DNAH14: variants seen among roughly 807,000 people sequenced by gnomAD.
The protein encoded by DNAH14 is axonemal beta dynein heavy chain 14.
In DNAH14, 478 loss-of-function variants were observed where a neutral mutation model predicts 520.9. The ratio of observed to expected loss-of-function variants is 0.92; its 90% CI spans 0.85 to 0.99. The LOEUF is 0.99. Ranked by LOEUF, DNAH14 falls within the 50% of genes least tolerant of loss-of-function variation. DNAH14 has a pLI of 0.00. For missense variants in DNAH14, 4,831 were observed against 5,234.5 expected, an observed-to-expected ratio of 0.92 and a Z score of 2.38; for synonymous variants, 1,581 against 1,757.2, an observed-to-expected ratio of 0.90 and a Z score of 2.51.
At chr1:225,335,226 CAT>C (rs1279861832) in intron 66 of DNAH14, among the ~76,000 whole-genome samples, 8 of 133,218 alleles carry the variant, frequency 6.0e-5, no homozygotes, top group African/African-American at 1.8e-4. Context: ...TATATATGCA[CAT>C]ATACACATGT....
intron 37 of DNAH14, among the ~76,000 whole-genome samples, chr1:225,189,106 A>T (rs2085094578): frequency 6.6e-6 from 1 of 151,722 alleles, no homozygotes; most frequent in Non-Finnish European, 1.5e-5. Flanking sequence ...TTTTGATATG[A>T]TCGTGTGGTT....
intron 74 of DNAH14, 38 bp downstream of exon 74, chr1:225,358,690 T>A: frequency 6.5e-7 from 1 of 1,531,250 alleles, no homozygotes; most frequent in East Asian, 2.5e-5. Flanking sequence ...ATCGATATGG[T>A]TTGGCTCTGT....
At chr1:224,987,726 A>C (rs934078123) in intron 8 of DNAH14, among the ~76,000 whole-genome samples, 3 of 152,122 alleles carry the variant, frequency 2.0e-5, no homozygotes, top group Non-Finnish European at 4.4e-5. Context: ...TCCCGGGTTC[A>C]AGTGATTCCC....
At chr1:224,958,615 T>C (rs917950913) in intron 3 of DNAH14, among the ~76,000 whole-genome samples, 1 of 152,036 alleles carries the variant, frequency 6.6e-6, no homozygotes, top group African/African-American at 2.4e-5. Context: ...AAAATGGTCA[T>C]GTTGGGAGAA....
intron 11 of DNAH14, among the ~76,000 whole-genome samples, chr1:225,031,194 G>T (rs1305669739): frequency 1.3e-5 from 2 of 151,966 alleles, no homozygotes; most frequent in Non-Finnish European, 2.9e-5. Context: ...AAGAAATGCG[G>T]TTGATTTTGC....
chr1:225,363,128 A>G (rs1575029541), intron 75 of DNAH14, among the ~76,000 whole-genome samples: 1 of 152,210 alleles, frequency 6.6e-6, no homozygotes, highest in East Asian at 1.9e-4. Flanking sequence ...CTTCATCTCT[A>G]TCTCCAAATT....
chr1:225,157,624 A>C (rs907485527), intron 34 of DNAH14, among the ~76,000 whole-genome samples: 1 of 152,190 alleles, frequency 6.6e-6, no homozygotes, highest in African/African-American at 2.4e-5. Context: ...CACTTGCCCT[A>C]CTACCAGACA....
chr1:224,964,492 T>C lies in DNAH14; in HGVS notation c.381T>C (p.Asp127=), dbSNP rs2061034627. Residue 127 remains aspartate (D), a synonymous_variant, in exon 5 of 86, where the codon GAT becomes GAC. Coordinates refer to ENST00000682510, the MANE Select transcript of DNAH14 (RefSeq NM_001367479.1). ...GTTCTATACCAGAACCAAAAGATGA[T>C]GATGTGATAAGAAATATTATTAGGC... ...VSYDRTEPKD[D]DVIRNIIRLR... The C allele has an allele frequency of 6.2e-7, 1 of 1,608,906 alleles. No individual in the cohort carries two copies. The highest frequency in any genetic ancestry group is 8.5e-7 in the Non-Finnish European group (1 of 1,177,036).
In DNAH14 at chr1:224,952,670, C is replaced by T. The variant is rs1183555326; in HGVS notation, c.-33C>T. ...TATAATAATGTGAATTTTGTTACAG[C>T]CAGTTCCTTTATAGTTTTGTTCAGA... On this transcript the variant is annotated splice_region_variant and 5_prime_UTR_variant, in exon 2 of 86. Coordinates refer to ENST00000682510, the MANE Select transcript of DNAH14 (RefSeq NM_001367479.1). 6.8e-6 allele frequency: 10 copies of T among 1,479,444 alleles called. No homozygotes were observed. Among genetic ancestry groups the T allele is most frequent in the East Asian group, 2.4e-5 (1 of 42,316 alleles). The allele number at this position is 1,479,444 out of a possible 1,614,324, so 91.6% of individuals were successfully genotyped here. A position where few individuals can be genotyped will look rare whatever the true frequency, so the allele number is the denominator to read the frequency against.
intron 8 of DNAH14, among the ~76,000 whole-genome samples, chr1:224,985,351 A>T (rs2062556376): frequency 6.6e-6 from 1 of 152,182 alleles, no homozygotes; most frequent in Admixed American, 6.5e-5. Flanking sequence ...ATTCTAAGTG[A>T]AGTAACTCAG....
chr1:225,379,804 C>T (rs934608513), intron 79 of DNAH14, among the ~76,000 whole-genome samples: 2 of 152,172 alleles, frequency 1.3e-5, no homozygotes, highest in Non-Finnish European at 2.9e-5. Context: ...GGATTACAGG[C>T]ATGAGCCACT....
chr1:224,976,144 A>C (rs2061822125), intron 8 of DNAH14, among the ~76,000 whole-genome samples: 1 of 152,044 alleles, frequency 6.6e-6, no homozygotes. Flanking sequence ...CTTTACTTCC[A>C]ACTATGTGGT....
chr1:225,262,035 C>T (rs1251129533), intron 46 of DNAH14, among the ~76,000 whole-genome samples: 1 of 151,846 alleles, frequency 6.6e-6, no homozygotes, highest in Non-Finnish European at 1.5e-5. Flanking sequence ...AACTATTTTC[C>T]TTCAGGAAAA....
chr1:225,338,234 T>C (rs2095102488), intron 68 of DNAH14, 52 bp downstream of exon 68: 2 of 1,538,184 alleles, frequency 1.3e-6, no homozygotes, highest in Admixed American at 3.9e-5. Context: ...TTAAGATAAA[T>C]AATATTGAAT....
At chr1:225,133,943 C>T (rs1573391585) in intron 27 of DNAH14, among the ~76,000 whole-genome samples, 1 of 152,036 alleles carries the variant, frequency 6.6e-6, no homozygotes. Context: ...TCCTTCATTT[C>T]CCTTGTTAGC....
intron 66 of DNAH14, among the ~76,000 whole-genome samples, chr1:225,335,682 T>C (rs1331010942): frequency 1.1e-5 from 1 of 89,006 alleles, no homozygotes; most frequent in Non-Finnish European, 2.4e-5. Flanking sequence ...TATATGTATA[T>C]ACGCATATAT....
chr1:225,104,868 T>C (rs1330552792), intron 23 of DNAH14, among the ~76,000 whole-genome samples: 2 of 152,200 alleles, frequency 1.3e-5, no homozygotes, highest in Non-Finnish European at 2.9e-5. Flanking sequence ...TGAAGGGTTT[T>C]TTATGTCTCT....
intron 73 of DNAH14, among the ~76,000 whole-genome samples, chr1:225,356,175 T>A (rs77308203): frequency 0.041 from 6,313 of 152,272 alleles, 186 homozygotes; most frequent in Middle Eastern, 0.075. Flanking sequence ...CATTTGTTTT[T>A]TGTTTTGGTT....
At chr1:224,994,727 T>C (rs1368912632) in intron 8 of DNAH14, among the ~76,000 whole-genome samples, 1 of 152,118 alleles carries the variant, frequency 6.6e-6, no homozygotes, top group Non-Finnish European at 1.5e-5. Context: ...GTTTTCTGGT[T>C]GTTTTATAGA....
Sources: allele counts gnomAD v4.1 joint callset (sites outside exome capture counted in the v4.1 genomes callset), GRCh38; gene constraint gnomAD v4.1.1; transcripts MANE v1.5; gene names NCBI Gene and HGNC (gene_info 2026-07-23, HGNC 2026-07-21).